DDX21: variants seen among roughly 807,000 people sequenced by gnomAD.
The protein encoded by DDX21 is DExD-box helicase 21.
Under a neutral mutation model 90.0 loss-of-function variants are expected in DDX21, and 18 were observed. The ratio of observed to expected loss-of-function variants is 0.20; its 90% CI spans 0.14 to 0.30. DDX21 has a LOEUF of 0.30. Ranked by LOEUF, DDX21 falls within the 10% of genes least tolerant of loss-of-function variation. The pLI is 1.00. For missense variants in DDX21, 673 were observed against 944.5 expected (o/e 0.71, Z 3.77); for synonymous variants, 294 against 318.0 (o/e 0.92, Z 0.80).
intron 8 of DDX21, among the ~76,000 whole-genome samples, chr10:68,971,444 GC>G (rs948415211): frequency 6.6e-6 from 1 of 151,698 alleles, no homozygotes; most frequent in African/African-American, 2.4e-5. Context: ...ACCGAGTCTT[GC>G]CATATTGCCC....
At chr10:68,980,832 CAAAA>C (rs11340675) in intron 13 of DDX21, among the ~76,000 whole-genome samples, 5 of 99,612 alleles carry the variant, frequency 5.0e-5, no homozygotes, top group Admixed American at 1.1e-4. Flanking sequence ...CTGTCTCTAC[CAAAA>C]AAAAAAAAAA....
rs368733864 is a variant in DDX21, at chr10:68,963,345, A to G, written c.662A>G (p.Tyr221Cys). Residue 221 changes from tyrosine to cysteine, a missense_variant, in exon 4 of 15, where the codon TAC becomes TGC. Tyr to Cys is a radical substitution (Grantham distance 194). Transcript: ENST00000354185. ...CAAGCAAAGACATTCCATCATGTTT[A>G]CAGCGGGAAGGACTTAATTGCACAG... is the stretch of plus-strand genomic sequence containing the variant. ...PIQAKTFHHV[Y>C]SGKDLIAQAR... is the part of the protein sequence containing the mutation. 6 of 1,614,192 alleles carry G rather than the reference A, an allele frequency of 3.7e-6. No homozygotes were observed. Among genetic ancestry groups the G allele is most frequent in the Non-Finnish European group, 5.1e-6 (6 of 1,180,026 alleles).
At chr10:68,965,322 G>A (rs1842925515) in intron 4 of DDX21, 55 bp from the exon 5 acceptor site, 2 of 1,420,966 alleles carry the variant, frequency 1.4e-6, no homozygotes, top group African/African-American at 2.8e-5. Context: ...TTAAGGACTA[G>A]ATTAAGAAAC....
At position 68,970,359 on chromosome 10, in the gene DDX21, T is replaced by A. The variant is rs781185308; in HGVS notation, c.1386+9T>A. On this transcript the variant is annotated intron_variant, in intron 8 of 14. Coordinates refer to ENST00000354185, the MANE Select transcript of DDX21 (RefSeq NM_004728.4). Reference sequence around the variant, plus strand: ...ATTCAGCTATAAAGCAGGTTGGTCCTTCCCCTTATGCCAGCAAAACTGGGG... The same window carrying A: ...ATTCAGCTATAAAGCAGGTTGGTCCATCCCCTTATGCCAGCAAAACTGGGG... The A allele has an allele frequency of 3.7e-6, 6 of 1,611,232 alleles. No homozygotes were observed. The highest frequency in any genetic ancestry group is 1.6e-4 in the Middle Eastern group (1 of 6,076).
intron 5 of DDX21, 92 bp from the exon 6 acceptor site, chr10:68,966,926 A>G: frequency 9.5e-7 from 1 of 1,048,648 alleles, no homozygotes; most frequent in Non-Finnish European, 1.3e-6. Context: ...TTTAACAAAT[A>G]TTTTAGAGTA....
chr10:68,963,904 T>A (rs899173890), intron 4 of DDX21, among the ~76,000 whole-genome samples: 1 of 151,776 alleles, frequency 6.6e-6, no homozygotes, highest in Non-Finnish European at 1.5e-5. Flanking sequence ...ATCGAGACCA[T>A]CCTGGCTAAC....
chr10:68,960,002 T>C lies in DDX21; in HGVS notation c.284T>C (p.Leu95Ser), dbSNP rs989549982. Residue 95 changes from leucine to serine, a missense_variant, in exon 2 of 15, where the codon TTG (leucine) becomes TCG (serine). Coordinates refer to ENST00000354185, the MANE Select transcript of DDX21 (RefSeq NM_004728.4). ...GACATTTCTCCTAAAACCAAAAGTT[T>C]GAGAAAGAAAAAGGAGCCCATTGAA... ...QNDISPKTKSLRKKKEPIEKK... is the reference protein window; with the variant it reads ...QNDISPKTKSSRKKKEPIEKK... The C allele has an allele frequency of 6.2e-7, 1 of 1,605,424 alleles. No homozygotes were observed. The highest frequency in any genetic ancestry group is 1.3e-5 in the African/African-American group (1 of 74,098).
intron 5 of DDX21, 59 bp from the exon 6 acceptor site, chr10:68,966,959 C>A: frequency 2.1e-6 from 3 of 1,415,920 alleles, no homozygotes; most frequent in Non-Finnish European, 2.9e-6. Flanking sequence ...ACTGTGGTAC[C>A]CCACACAGAT....
At chr10:68,963,875 C>T (rs1216050306) in intron 4 of DDX21, among the ~76,000 whole-genome samples, 5 of 151,826 alleles carry the variant, frequency 3.3e-5, no homozygotes, top group African/African-American at 7.3e-5. Flanking sequence ...CCGAGGTGGG[C>T]GGATCACGAG....
chr10:68,982,160 G>C (rs959976197), intron 14 of DDX21, among the ~76,000 whole-genome samples: 1 of 152,166 alleles, frequency 6.6e-6, no homozygotes, highest in Non-Finnish European at 1.5e-5. Flanking sequence ...GAGCCACCAC[G>C]TCCAGCCTAC....
intron 4 of DDX21, 71 bp downstream of exon 4, chr10:68,963,540 C>A: frequency 1.4e-6 from 2 of 1,412,966 alleles, no homozygotes; most frequent in Non-Finnish European, 1.9e-6. Context: ...GTGTACATAC[C>A]CTACTATTTT....
In DDX21 at chr10:68,973,674, T is replaced by C; in HGVS notation, c.1668+10T>C. 1 of 1,607,996 alleles carries C rather than the reference T, an allele frequency of 6.2e-7. No individual in the cohort carries two copies. The highest frequency in any genetic ancestry group is 8.5e-7 in the Non-Finnish European group (1 of 1,176,960). ...AGTGGAGCAAAAAGCGGTAAAACTA[T>C]TCTTACCTTTCATTAAGCAAATGTT... On this transcript the variant is annotated intron_variant, in intron 10 of 14. Transcript: ENST00000354185.
chr10:68,966,296 C>CG (rs1842937699), intron 5 of DDX21, among the ~76,000 whole-genome samples: 1 of 151,260 alleles, frequency 6.6e-6, no homozygotes. Flanking sequence ...AGGCTGATCT[C>CG]GAACTCCTGA....
intron 6 of DDX21, among the ~76,000 whole-genome samples, chr10:68,967,802 C>T (rs1401903027): frequency 6.6e-6 from 1 of 152,168 alleles, no homozygotes; most frequent in Non-Finnish European, 1.5e-5. Context: ...TGACTTAATT[C>T]TACCATCTGC....
chr10:68,983,132 T>C lies in DDX21; in HGVS notation c.*320T>C. On this transcript the variant is annotated 3_prime_UTR_variant, in exon 15 of 15. Coordinates refer to ENST00000354185, the MANE Select transcript of DDX21 (RefSeq NM_004728.4). Reference sequence around the variant, plus strand: ...TGCCTATACTTTGTGAGTTCACCTGTCTTTATACTCAAAAGTGTCCCTTAA... The same window carrying C: ...TGCCTATACTTTGTGAGTTCACCTGCCTTTATACTCAAAAGTGTCCCTTAA... The C allele has an allele frequency of 9.3e-6, 3 of 322,116 alleles. No individual in the cohort carries two copies. The highest frequency in any genetic ancestry group is 1.2e-5 in the Non-Finnish European group (2 of 169,626). 20.0% of individuals were successfully genotyped at this position (322,116 alleles called of 1,614,324 possible). A position where few individuals can be genotyped will look rare whatever the true frequency, so the allele number is the denominator to read the frequency against.
intron 14 of DDX21, 97 bp downstream of exon 14, chr10:68,981,678 G>C (rs1240282123): frequency 1.9e-6 from 2 of 1,068,108 alleles, no homozygotes; most frequent in Admixed American, 2.3e-5. Context: ...AATAGTTCTG[G>C]TTCCTTTAGT....
At chr10:68,972,769 A>G (rs370500900) in intron 9 of DDX21, among the ~76,000 whole-genome samples, 5 of 152,362 alleles carry the variant, frequency 3.3e-5, no homozygotes, top group African/African-American at 1.2e-4. Flanking sequence ...TGTGTACTGC[A>G]AGTGTAAAAT....
intron 3 of DDX21, 136 bp downstream of exon 3, chr10:68,962,293 G>A: frequency 1.6e-6 from 1 of 630,146 alleles, no homozygotes; most frequent in Non-Finnish European, 2.7e-6. Context: ...AAGTAGGCCT[G>A]TGTATTCAAT....
chr10:68,965,481 C>G lies in DDX21; in HGVS notation c.891C>G (p.Pro297=). The change falls in exon 5 of 15, where the codon CCC becomes CCG. Residue 297 remains proline (P), a synonymous_variant. Coordinates refer to ENST00000354185, the MANE Select transcript of DDX21 (RefSeq NM_004728.4). Reference sequence around the variant, plus strand: ...TGGCTTGTTTTTATGGTGGAACTCCCTATGGAGGTCAATGTGAGTACATTC... The same window carrying G: ...TGGCTTGTTTTTATGGTGGAACTCCGTATGGAGGTCAATGTGAGTACATTC... ...LSVACFYGGT[P]YGGQFERMRN... The G allele has an allele frequency of 1.2e-6, 2 of 1,612,730 alleles. No homozygotes were observed. Among genetic ancestry groups the G allele is most frequent in the Non-Finnish European group, 1.7e-6 (2 of 1,179,252 alleles).
Sources: allele counts gnomAD v4.1 joint callset (sites outside exome capture counted in the v4.1 genomes callset), GRCh38; gene constraint gnomAD v4.1.1; transcripts MANE v1.5; gene names NCBI Gene and HGNC (gene_info 2026-07-23, HGNC 2026-07-21).